The following SPAG16 variants were observed in gnomAD, a reference collection of about 807,000 sequenced individuals.
SPAG16 encodes sperm associated antigen 16.
In SPAG16, 86 loss-of-function variants were observed where a neutral mutation model predicts 80.4. The ratio of observed to expected loss-of-function variants is 1.07; its 90% CI spans 0.90 to 1.28. SPAG16 has a LOEUF of 1.28. Ranked by LOEUF, SPAG16 falls within the 50% of genes most tolerant of loss-of-function variation. The pLI is 0.00. For synonymous variants in SPAG16, 294 were observed against 265.9 expected (o/e 1.11, Z -1.03); for missense variants, 870 against 765.3 (o/e 1.14, Z -1.61).
intron 5 of SPAG16, among the ~76,000 whole-genome samples, chr2:213,332,585 A>T (rs1460145973): frequency 6.6e-6 from 1 of 152,162 alleles, no homozygotes; most frequent in African/African-American, 2.4e-5. Flanking sequence ...CTAAAAATAA[A>T]ACCACAGGCC....
chr2:214,191,347 T>C (rs1027372239), intron 15 of SPAG16, among the ~76,000 whole-genome samples: 4 of 152,118 alleles, frequency 2.6e-5, no homozygotes, highest in Non-Finnish European at 5.9e-5. Flanking sequence ...CAACTAATGT[T>C]ATACCTTGAG....
chr2:214,040,609 C>G (rs893435732), intron 13 of SPAG16, among the ~76,000 whole-genome samples: 1 of 152,140 alleles, frequency 6.6e-6, no homozygotes, highest in Non-Finnish European at 1.5e-5. Context: ...CATGTCCCTG[C>G]AGAGGACATG....
At chr2:213,936,308 C>T (rs1559607224) in intron 12 of SPAG16, among the ~76,000 whole-genome samples, 1 of 152,090 alleles carries the variant, frequency 6.6e-6, no homozygotes, top group Non-Finnish European at 1.5e-5. Context: ...AATAGAGGGC[C>T]TTATAACCCC....
chr2:214,096,051 A>G (rs1049034806), intron 13 of SPAG16, among the ~76,000 whole-genome samples: 7 of 152,050 alleles, frequency 4.6e-5, no homozygotes, highest in African/African-American at 1.7e-4. Context: ...TTAATTGAAT[A>G]TATAATAGAA....
At chr2:214,043,261 G>A (rs1391673392) in intron 13 of SPAG16, among the ~76,000 whole-genome samples, 1 of 152,034 alleles carries the variant, frequency 6.6e-6, no homozygotes, top group African/African-American at 2.4e-5. Flanking sequence ...TTTCCAGGGA[G>A]AAGAGCCTGA....
chr2:214,203,433 A>G (rs1220615568), intron 15 of SPAG16, among the ~76,000 whole-genome samples: 1 of 152,142 alleles, frequency 6.6e-6, no homozygotes, highest in African/African-American at 2.4e-5. Context: ...GAGAGAATCC[A>G]CAGACCCTTT....
chr2:214,275,076 A>C (rs1398989413), intron 15 of SPAG16, among the ~76,000 whole-genome samples: 1 of 152,048 alleles, frequency 6.6e-6, no homozygotes, highest in Admixed American at 6.5e-5. Context: ...TTTCTAGTTT[A>C]TTTGTGTAGA....
intron 15 of SPAG16, among the ~76,000 whole-genome samples, chr2:214,164,805 T>A (rs1244736500): frequency 6.6e-6 from 1 of 152,172 alleles, no homozygotes. Flanking sequence ...TCATTCCTAT[T>A]TATGTCTAAA....
rs1419326763 is a variant in SPAG16 at position 213,886,728 on chromosome 2, T to C, written c.1214+24100T>C. ...TTAGAACTTGAGGGCATATGACTTATAAACCGTTTATGAAAAAAAAAACTT... is the reference window on the plus strand; with the variant it reads ...TTAGAACTTGAGGGCATATGACTTACAAACCGTTTATGAAAAAAAAAACTT... On this transcript the variant is annotated intron_variant, in intron 11 of 15. Coordinates refer to ENST00000331683, the MANE Select transcript of SPAG16 (RefSeq NM_024532.5). Among the ~76,000 whole-genome samples, 3 of 151,416 alleles carry C rather than the reference T, an allele frequency of 2.0e-5. No individual in the cohort carries two copies. In the East Asian group the frequency reaches 5.8e-4, roughly 29 times the overall value.
chr2:214,180,239 T>A (rs866408484), intron 15 of SPAG16, among the ~76,000 whole-genome samples: 1 of 151,600 alleles, frequency 6.6e-6, no homozygotes, highest in Non-Finnish European at 1.5e-5. Flanking sequence ...TATACATATG[T>A]TGAGGGAAGA....
intron 14 of SPAG16, among the ~76,000 whole-genome samples, chr2:214,124,917 C>T (rs2054401147): frequency 6.6e-6 from 1 of 151,846 alleles, no homozygotes; most frequent in Non-Finnish European, 1.5e-5. Context: ...GCCATTTACT[C>T]AATAGCTAGA....
intron 10 of SPAG16, among the ~76,000 whole-genome samples, chr2:213,794,533 T>C (rs2070903559): frequency 6.6e-6 from 1 of 152,112 alleles, no homozygotes; most frequent in Admixed American, 6.6e-5. Context: ...GATTATATCA[T>C]TTGTTTTAAA....
intron 9 of SPAG16, among the ~76,000 whole-genome samples, chr2:213,476,513 G>A (rs932995679): frequency 6.6e-6 from 1 of 152,168 alleles, no homozygotes; most frequent in Non-Finnish European, 1.5e-5. Flanking sequence ...ACTCTTAACT[G>A]GCTGACAAAG....
intron 12 of SPAG16, among the ~76,000 whole-genome samples, chr2:213,955,958 A>T (rs937617847): frequency 6.6e-6 from 1 of 151,290 alleles, no homozygotes; most frequent in Non-Finnish European, 1.5e-5. Flanking sequence ...GTTTTTATTT[A>T]TTATTTATTT....
intron 12 of SPAG16, among the ~76,000 whole-genome samples, chr2:213,969,830 A>C (rs550380471): frequency 1.1e-3 from 162 of 152,282 alleles, no homozygotes; most frequent in Admixed American, 3.9e-3. Flanking sequence ...AGAAAAAAAA[A>C]CACCCTTTAG....
At chr2:213,585,776 T>C (rs183792081) in intron 10 of SPAG16, among the ~76,000 whole-genome samples, 91 of 152,368 alleles carry the variant, frequency 6.0e-4, no homozygotes, top group Admixed American at 4.8e-3. Flanking sequence ...TAAATTAATT[T>C]GTAAACACTT....
intron 10 of SPAG16, among the ~76,000 whole-genome samples, chr2:213,573,933 T>C (rs1027902792): frequency 2.0e-5 from 3 of 152,196 alleles, no homozygotes; most frequent in African/African-American, 7.2e-5. Context: ...CCTGGGGATC[T>C]TGTGAAAAAA....
At chr2:214,004,732 C>G (rs2046951943) in intron 12 of SPAG16, among the ~76,000 whole-genome samples, 1 of 151,882 alleles carries the variant, frequency 6.6e-6, no homozygotes, top group African/African-American at 2.4e-5. Context: ...GGGATGCAGG[C>G]TTGATCTAGT....
At chr2:214,257,406 A>T (rs899281247) in intron 15 of SPAG16, among the ~76,000 whole-genome samples, 1 of 151,970 alleles carries the variant, frequency 6.6e-6, no homozygotes, top group African/African-American at 2.4e-5. Flanking sequence ...ACCTCCAGTA[A>T]AATGTTGAAT....
Sources: gnomAD v4.1 joint callset for allele counts (sites outside exome capture counted in the v4.1 genomes callset) on GRCh38, gnomAD v4.1.1 for gene constraint, MANE v1.5 for transcripts, NCBI Gene and HGNC (gene_info 2026-07-23, HGNC 2026-07-21) for gene names.